Variants in BLTP3B observed in about 807,000 individuals in gnomAD.
BLTP3B encodes the protein UHRF1 (ICBP90) binding protein 1-like.
At chr12:100,128,281 A>G in the BLTP3B span, among the ~76,000 whole-genome samples, 1 of 152,182 alleles carries the variant, frequency 6.6e-6, no homozygotes. Flanking sequence ...AGCTGGCAGG[A>G]AGTTACAAAA....
At chr12:100,040,321 AG>A in the BLTP3B span, among the ~76,000 whole-genome samples, 1 of 152,164 alleles carries the variant, frequency 6.6e-6, no homozygotes, top group African/African-American at 2.4e-5. Flanking sequence ...GCTTGAGACC[AG>A]GAGTTGGAGA....
At chr12:100,097,053 C>A in the BLTP3B span, among the ~76,000 whole-genome samples, 117 of 151,992 alleles carry the variant, frequency 7.7e-4, no homozygotes, top group Admixed American at 1.2e-3. Flanking sequence ...GTAATCAAGC[C>A]TGGGCAATAT....
At chr12:100,087,267 A>G in the BLTP3B span, among the ~76,000 whole-genome samples, 1 of 152,152 alleles carries the variant, frequency 6.6e-6, no homozygotes, top group African/African-American at 2.4e-5. Context: ...ACAAATTGGT[A>G]TAACGTGAAC....
the BLTP3B span, among the ~76,000 whole-genome samples, chr12:100,056,974 G>A: frequency 1.3e-5 from 2 of 152,232 alleles, no homozygotes; most frequent in African/African-American, 2.4e-5. Flanking sequence ...TGAGGGAGAT[G>A]CAACTAACAC....
the BLTP3B span, chr12:100,051,767 T>C: frequency 1.3e-5 from 2 of 152,186 alleles, no homozygotes; most frequent in African/African-American, 4.8e-5. Flanking sequence ...TCCACTAAAG[T>C]GAACAAGCCT....
At chr12:100,039,082 T>A in the BLTP3B span, among the ~76,000 whole-genome samples, 1 of 152,250 alleles carries the variant, frequency 6.6e-6, no homozygotes, top group East Asian at 1.9e-4. Flanking sequence ...TAAATCCTCA[T>A]TGAACAGATG....
the BLTP3B span, among the ~76,000 whole-genome samples, chr12:100,041,627 G>C: frequency 6.6e-6 from 1 of 151,806 alleles, no homozygotes; most frequent in Admixed American, 6.6e-5. Context: ...AGTAGAGATG[G>C]GGTTTCACCA....
At chr12:100,103,163 C>T in the BLTP3B span, among the ~76,000 whole-genome samples, 1,179 of 152,182 alleles carry the variant, frequency 7.7e-3, 13 homozygotes, top group African/African-American at 0.027. Context: ...AAAACAGAAT[C>T]TCTACTCCCA....
chr12:100,108,631 A>C, the BLTP3B span: 2 of 1,181,116 alleles, frequency 1.7e-6, no homozygotes, highest in East Asian at 5.0e-5. Context: ...CAGAGAACTA[A>C]AAATATAATA....
At chr12:100,099,474 T>G in the BLTP3B span, among the ~76,000 whole-genome samples, 1 of 150,734 alleles carries the variant, frequency 6.6e-6, no homozygotes, top group African/African-American at 2.4e-5. Context: ...CAAAATATTT[T>G]AAGAGGCCAC....
chr12:100,101,309 C>T, the BLTP3B span, among the ~76,000 whole-genome samples: 1 of 152,170 alleles, frequency 6.6e-6, no homozygotes, highest in Admixed American at 6.5e-5. Flanking sequence ...ATGGCATGCA[C>T]TGTAGGTATT....
At chr12:100,103,406 C>T in the BLTP3B span, among the ~76,000 whole-genome samples, 1 of 152,116 alleles carries the variant, frequency 6.6e-6, no homozygotes, top group African/African-American at 2.4e-5. Flanking sequence ...AACACTACTC[C>T]AGTCATTCTT....
At chr12:100,067,063 A>G in the BLTP3B span, among the ~76,000 whole-genome samples, 3 of 152,188 alleles carry the variant, frequency 2.0e-5, no homozygotes. Context: ...AATACCTGGA[A>G]ATTAAATAAC....
chr12:100,093,643 T>G, the BLTP3B span, among the ~76,000 whole-genome samples: 1 of 152,210 alleles, frequency 6.6e-6, no homozygotes, highest in South Asian at 2.1e-4. Flanking sequence ...AAAGTAGGAT[T>G]AGAGTCATTA....
the BLTP3B span, among the ~76,000 whole-genome samples, chr12:100,099,603 T>A: frequency 6.6e-6 from 1 of 150,870 alleles, no homozygotes; most frequent in Admixed American, 6.7e-5. Context: ...AAAAATTAGC[T>A]GAGCATGGTA....
the BLTP3B span, among the ~76,000 whole-genome samples, chr12:100,136,660 A>C: frequency 6.6e-6 from 1 of 152,240 alleles, no homozygotes; most frequent in Non-Finnish European, 1.5e-5. Context: ...TGGCAGACTA[A>C]ATAAGCTACA....
At chr12:100,094,298 G>A in the BLTP3B span, among the ~76,000 whole-genome samples, 1 of 152,092 alleles carries the variant, frequency 6.6e-6, no homozygotes, top group Admixed American at 6.6e-5. Context: ...TTTTTGTAGA[G>A]ATGGGACTCA....
the BLTP3B span, among the ~76,000 whole-genome samples, chr12:100,107,813 C>T: frequency 6.6e-6 from 1 of 152,192 alleles, no homozygotes. Flanking sequence ...TGACTCACTG[C>T]AGCCTCACCC....
At chr12:100,090,101 T>C in the BLTP3B span, among the ~76,000 whole-genome samples, 1 of 152,190 alleles carries the variant, frequency 6.6e-6, no homozygotes, top group African/African-American at 2.4e-5. Context: ...CTCGGGTATG[T>C]CTTTATCAGC....
Sources: gnomAD v4.1 joint callset for allele counts (sites outside exome capture counted in the v4.1 genomes callset) on GRCh38, gnomAD v4.1.1 for gene constraint, MANE v1.5 for transcripts, NCBI Gene and HGNC (gene_info 2026-07-23, HGNC 2026-07-21) for gene names.